Variants in PDE4D observed in about 807,000 individuals in gnomAD.
PDE4D encodes the protein phosphodiesterase 4D, also known as 3',5'-cyclic-AMP phosphodiesterase 4D.
In PDE4D, 24 loss-of-function variants were observed where a neutral mutation model predicts 87.4. That is an observed-to-expected ratio of 0.27 (90% confidence interval 0.20 to 0.39). The LOEUF (loss-of-function observed/expected upper bound fraction) is 0.39. PDE4D is among the 10% of genes least tolerant of loss of function. The pLI is 1.00. For synonymous variants in PDE4D, 384 were observed against 383.2 expected, an observed-to-expected ratio of 1.00 and a Z score of -0.02; for missense variants, 714 against 1,041.0, an observed-to-expected ratio of 0.69 and a Z score of 4.32.
chr5:59,870,453 C>T (rs1031480498), intron 1 of PDE4D, among the ~76,000 whole-genome samples: 1 of 152,178 alleles, frequency 6.6e-6, no homozygotes, highest in African/African-American at 2.4e-5. Context: ...AAAATAAGTT[C>T]AATGGGACAA....
chr5:59,674,986 A>G (rs559983407), intron 1 of PDE4D, among the ~76,000 whole-genome samples: 1 of 152,360 alleles, frequency 6.6e-6, no homozygotes, highest in South Asian at 2.1e-4. Flanking sequence ...TACATGCGTC[A>G]TTATGAATCA....
intron 2 of PDE4D, among the ~76,000 whole-genome samples, chr5:60,053,517 T>C (rs1694765983): frequency 6.6e-6 from 1 of 152,180 alleles, no homozygotes; most frequent in African/African-American, 2.4e-5. Flanking sequence ...GACCCCTTCC[T>C]TACAACTTAT....
chr5:60,244,808 G>T (rs112747832), intron 1 of PDE4D, among the ~76,000 whole-genome samples: 1,796 of 151,984 alleles, frequency 0.012, 41 homozygotes, highest in African/African-American at 0.042. Flanking sequence ...ATGGATGAAA[G>T]ACTTAAATCT....
At chr5:60,182,866 C>A (rs562566907) in intron 2 of PDE4D, among the ~76,000 whole-genome samples, 2 of 148,158 alleles carry the variant, frequency 1.3e-5, no homozygotes, top group East Asian at 3.9e-4. Context: ...GGCAACAGAG[C>A]AAGACTCCGT....
intron 1 of PDE4D, among the ~76,000 whole-genome samples, chr5:59,593,387 G>A (rs1160755749): frequency 6.6e-6 from 1 of 151,044 alleles, no homozygotes; most frequent in Non-Finnish European, 1.5e-5. Context: ...CTGATTAGAT[G>A]TATCCAAAAT....
chr5:60,087,941 C>T (rs1291323020), intron 2 of PDE4D, among the ~76,000 whole-genome samples: 1 of 152,008 alleles, frequency 6.6e-6, no homozygotes, highest in Non-Finnish European at 1.5e-5. Flanking sequence ...GAAAACTACC[C>T]AGATATATTA....
chr5:59,887,042 A>AAC (rs1346113172), intron 1 of PDE4D, among the ~76,000 whole-genome samples: 1 of 152,150 alleles, frequency 6.6e-6, no homozygotes, highest in African/African-American at 2.4e-5. Context: ...GCAAGGAAAA[A>AAC]ACACAAGAGT....
chr5:59,482,305 A>C (rs549003770), intron 1 of PDE4D, among the ~76,000 whole-genome samples: 1 of 152,282 alleles, frequency 6.6e-6, no homozygotes, highest in South Asian at 2.1e-4. Context: ...GTGTTTGTTG[A>C]AACATGCTGG....
chr5:59,537,178 A>G (rs1815434341), intron 1 of PDE4D, among the ~76,000 whole-genome samples: 1 of 152,232 alleles, frequency 6.6e-6, no homozygotes, highest in Non-Finnish European at 1.5e-5. Flanking sequence ...TAGGATAAAG[A>G]GCACAGGAAA....
At chr5:59,654,887 T>C (rs1166707714) in intron 1 of PDE4D, among the ~76,000 whole-genome samples, 4 of 152,214 alleles carry the variant, frequency 2.6e-5, no homozygotes, top group Admixed American at 6.5e-5. Context: ...ATAGCATGCA[T>C]TGATACTGAA....
chr5:59,175,635 C>T (rs976889680), intron 5 of PDE4D, among the ~76,000 whole-genome samples: 13 of 151,528 alleles, frequency 8.6e-5, no homozygotes, highest in Admixed American at 6.6e-5. Flanking sequence ...CACCTGCCAC[C>T]ACGCCTGGCT....
In PDE4D at chr5:59,687,341, A is replaced by G. The variant is rs192192150; in HGVS notation, c.455+205827T>C. Among the ~76,000 whole-genome samples the G allele has an allele frequency of 3.5e-3, 536 of 152,302 alleles. 3 individuals are homozygous for G. The highest frequency in any genetic ancestry group is 0.012 in the African/African-American group (514 of 41,568). On this transcript the variant is annotated intron_variant, in intron 1 of 14. Coordinates refer to ENST00000340635, the MANE Select transcript of PDE4D (RefSeq NM_001104631.2). ...GGCAGCCAGAGAGAAAGGTCGGGTT[A>G]CCCACAAAGGGAAGCCCATCAGACT...
chr5:59,298,413 C>T (rs528106940), intron 1 of PDE4D, among the ~76,000 whole-genome samples: 2 of 152,050 alleles, frequency 1.3e-5, no homozygotes, highest in East Asian at 3.9e-4. Flanking sequence ...CCGTGCCTGG[C>T]CATAAGTGTA....
intron 1 of PDE4D, among the ~76,000 whole-genome samples, chr5:60,294,883 A>C (rs771469014): frequency 6.6e-6 from 1 of 152,054 alleles, no homozygotes; most frequent in Non-Finnish European, 1.5e-5. Context: ...TAAGCTTGTC[A>C]ATTCCTATAA....
chr5:59,348,192 AATT>A (rs1459007389), intron 1 of PDE4D, among the ~76,000 whole-genome samples: 1 of 152,180 alleles, frequency 6.6e-6, no homozygotes, highest in African/African-American at 2.4e-5. Context: ...TAATTAAACA[AATT>A]ATATTAAAAA....
At chr5:59,684,301 C>T (rs559432522) in intron 1 of PDE4D, among the ~76,000 whole-genome samples, 1 of 152,278 alleles carries the variant, frequency 6.6e-6, no homozygotes, top group East Asian at 1.9e-4. Flanking sequence ...ACAGTATTAT[C>T]TTTTCCATTA....
At chr5:59,430,423 T>G in intron 1 of PDE4D, 1 of 1,230,982 alleles carries the variant, frequency 8.1e-7, no homozygotes, top group Non-Finnish European at 1.0e-6. Context: ...ACTCATTATA[T>G]CCAAAAGGCA....
intron 1 of PDE4D, among the ~76,000 whole-genome samples, chr5:60,507,778 T>C (rs1420453227): frequency 6.6e-6 from 1 of 152,230 alleles, no homozygotes; most frequent in Non-Finnish European, 1.5e-5. Context: ...TTAGACTTTT[T>C]GGAATCATGA....
chr5:60,107,625 C>A (rs1228795496), intron 2 of PDE4D, among the ~76,000 whole-genome samples: 1 of 152,146 alleles, frequency 6.6e-6, no homozygotes, highest in Admixed American at 6.5e-5. Context: ...TACTGGCAAA[C>A]TGAATCCAGC....
Sources: allele counts gnomAD v4.1 joint callset (sites outside exome capture counted in the v4.1 genomes callset), GRCh38; gene constraint gnomAD v4.1.1; transcripts MANE v1.5; gene names NCBI Gene and HGNC (gene_info 2026-07-23, HGNC 2026-07-21).